The following KIF18A variants were observed in gnomAD, a reference collection of about 807,000 sequenced individuals.
KIF18A encodes the protein kinesin family member 18A.
A neutral mutation model predicts 103.3 loss-of-function variants in KIF18A; 67 were observed. The ratio of observed to expected loss-of-function variants is 0.65; its 90% CI spans 0.53 to 0.79. The LOEUF (loss-of-function observed/expected upper bound fraction) is 0.79. Ranked by LOEUF, KIF18A falls within the 30% of genes least tolerant of loss-of-function variation. The probability of loss-of-function intolerance (pLI) is 0.00; values close to 1 mark genes in which losing one functional copy is unlikely to be tolerated. For synonymous variants in KIF18A, 367 were observed against 355.5 expected (o/e 1.03, Z -0.36); for missense variants, 1,032 against 1,062.5 (o/e 0.97, Z 0.40).
At chr11:28,068,135 GC>G (rs1850961590) in intron 11 of KIF18A, among the ~76,000 whole-genome samples, 1 of 152,124 alleles carries the variant, frequency 6.6e-6, no homozygotes, top group African/African-American at 2.4e-5. Context: ...CATGGATGAA[GC>G]TGGAAGCCAT....
At chr11:28,025,956 C>A (rs1205701124) in intron 15 of KIF18A, among the ~76,000 whole-genome samples, 1 of 151,738 alleles carries the variant, frequency 6.6e-6, no homozygotes, top group Non-Finnish European at 1.5e-5. Context: ...AAGTGTATGG[C>A]AAATATGAAA....
chr11:28,075,829 G>A (rs966420421), intron 10 of KIF18A, among the ~76,000 whole-genome samples: 1 of 152,136 alleles, frequency 6.6e-6, no homozygotes. Context: ...GTTTGATAAT[G>A]TGCATTGTAA....
intron 14 of KIF18A, 131 bp from the exon 15 acceptor site, chr11:28,035,625 G>C (rs1440724244): frequency 2.3e-6 from 1 of 443,566 alleles, no homozygotes; most frequent in Admixed American, 4.2e-5. Flanking sequence ...CTGCTATACT[G>C]TAAAGATTCC....
At chr11:28,085,468 A>C (rs1169192258) in intron 6 of KIF18A, among the ~76,000 whole-genome samples, 4 of 152,114 alleles carry the variant, frequency 2.6e-5, no homozygotes, top group African/African-American at 2.4e-5. Flanking sequence ...AGACAGCAAC[A>C]GAAGAAATAG....
At chr11:28,083,315 G>A in intron 7 of KIF18A, 72 bp from the exon 8 acceptor site, 3 of 1,432,880 alleles carry the variant, frequency 2.1e-6, no homozygotes, top group Non-Finnish European at 2.8e-6. Context: ...TGAATAACAT[G>A]ACATTGCATT....
chr11:28,069,218 G>C lies in KIF18A; in HGVS notation c.1590+41C>G. ...AAAAAGAACACATTTTAGGAGCTCA[G>C]TTCCTACAAATTAAATCTGAACATA... On this transcript the variant is annotated intron_variant, in intron 11 of 16. Coordinates refer to ENST00000263181, the MANE Select transcript of KIF18A (RefSeq NM_031217.4). The C allele has an allele frequency of 2.0e-6, 3 of 1,519,840 alleles. No individual in the cohort carries two copies. In the African/African-American group the frequency reaches 4.1e-5, roughly 21 times the overall value. The allele number at this position is 1,519,840 out of a possible 1,614,324, so 94.1% of individuals were successfully genotyped here.
At chr11:28,051,565 G>T (rs1590678313) in intron 13 of KIF18A, among the ~76,000 whole-genome samples, 1 of 151,936 alleles carries the variant, frequency 6.6e-6, no homozygotes, top group Non-Finnish European at 1.5e-5. Context: ...AAGGCCTTTT[G>T]AGGAAAGATC....
intron 9 of KIF18A, among the ~76,000 whole-genome samples, chr11:28,078,325 T>G (rs1356890102): frequency 6.6e-6 from 1 of 152,210 alleles, no homozygotes; most frequent in Non-Finnish European, 1.5e-5. Context: ...TGCATTATAT[T>G]ACACCAACGG....
At chr11:28,030,512 C>T (rs1438177684) in intron 15 of KIF18A, among the ~76,000 whole-genome samples, 2 of 151,634 alleles carry the variant, frequency 1.3e-5, no homozygotes, top group Non-Finnish European at 2.9e-5. Flanking sequence ...CTTCCTTACA[C>T]CTTATACAAA....
intron 10 of KIF18A, 25 bp downstream of exon 10, chr11:28,076,982 A>T: frequency 7.9e-7 from 1 of 1,273,478 alleles, no homozygotes; most frequent in Non-Finnish European, 1.0e-6. Flanking sequence ...ACTTTCTAAA[A>T]TTTAATTATA....
intron 13 of KIF18A, among the ~76,000 whole-genome samples, chr11:28,058,682 A>G (rs1363799441): frequency 8.0e-5 from 11 of 138,364 alleles, no homozygotes; most frequent in African/African-American, 2.1e-4. Flanking sequence ...AAAAAAAAAA[A>G]AAAAAAAAAA....
At chr11:28,033,805 T>C (rs909362638) in intron 15 of KIF18A, among the ~76,000 whole-genome samples, 1 of 151,492 alleles carries the variant, frequency 6.6e-6, no homozygotes, top group African/African-American at 2.4e-5. Flanking sequence ...CACAACAGGG[T>C]AACTACAGTC....
chr11:28,079,134 A>T (rs181359614), intron 9 of KIF18A, among the ~76,000 whole-genome samples: 192 of 152,190 alleles, frequency 1.3e-3, no homozygotes, highest in Non-Finnish European at 2.1e-3. Flanking sequence ...GGAGGGCCTT[A>T]CCAGAAAGAA....
intron 2 of KIF18A, among the ~76,000 whole-genome samples, chr11:28,096,847 C>T (rs1178399037): frequency 6.8e-6 from 1 of 147,498 alleles, no homozygotes; most frequent in Non-Finnish European, 1.5e-5. Context: ...AAAAACTGGC[C>T]ATTTTGCATC....
chr11:28,096,699 CATGATAAAACTGAAATGA>C (rs1391388191), intron 2 of KIF18A, among the ~76,000 whole-genome samples: 20 of 152,090 alleles, frequency 1.3e-4, no homozygotes, highest in Admixed American at 9.8e-4. Flanking sequence ...GTATGTCTTC[CATGATAAAACTGAAATGA>C]ATCAGGAAAA....
Position 28,059,137 on chromosome 11 carries a change from G to C in KIF18A, c.1737C>G (p.Thr579=), listed in dbSNP as rs1477122589. Residue 579 remains threonine, a synonymous_variant, in exon 13 of 17, where the codon ACC becomes ACG. Transcript: ENST00000263181. ...TTAATGTGCAATATTGTTTTCTTAG[G>C]GTTGGAAGTAAAGCATTCAATACTC... The part of the protein sequence containing the change: ...TEAVLNALLP[T]LRKQYCTLKE... 3.7e-6 allele frequency: 6 copies of C among 1,613,512 alleles called. No individual in the cohort carries two copies. The African/African-American group carries it at 4.0e-5, about 11-fold the overall frequency.
intron 13 of KIF18A, among the ~76,000 whole-genome samples, chr11:28,053,924 T>TAAAAAAAAAAA (rs34579022): frequency 7.2e-6 from 1 of 138,646 alleles, no homozygotes. Flanking sequence ...CTGGTGAGGC[T>TAAAAAAAAAAA]AAAAAAAAAA....
intron 1 of KIF18A, among the ~76,000 whole-genome samples, chr11:28,106,385 A>ACTATCAT (rs1421945074): frequency 6.6e-6 from 1 of 152,056 alleles, no homozygotes; most frequent in African/African-American, 2.4e-5. Flanking sequence ...GATACTCAAC[A>ACTATCAT]CTATCATCTA....
At chr11:28,076,935 G>GAAAAA (rs11433506) in intron 10 of KIF18A, 72 bp downstream of exon 10, 35 of 295,258 alleles carry the variant, frequency 1.2e-4, no homozygotes, top group South Asian at 2.9e-4. Context: ...GACTCCTTCT[G>GAAAAA]AAAAAAAAAA....
Sources: allele counts gnomAD v4.1 joint callset (sites outside exome capture counted in the v4.1 genomes callset), GRCh38; gene constraint gnomAD v4.1.1; transcripts MANE v1.5; gene names NCBI Gene and HGNC (gene_info 2026-07-23, HGNC 2026-07-21).